Variants in CA10 observed in about 807,000 individuals in gnomAD.
CA10 encodes carbonic anhydrase 10 (inactive).
CA10 carries 14 observed loss-of-function variants against 44.2 expected under a neutral mutation model. The observed-to-expected ratio is 0.32, with a 90% CI of 0.21 to 0.50. The LOEUF is 0.50. Ranked by LOEUF, CA10 falls within the 20% of genes least tolerant of loss-of-function variation. The pLI, the probability that CA10 is intolerant of heterozygous loss-of-function variation, is 0.99. For missense variants in CA10, 350 were observed against 409.7 expected, an observed-to-expected ratio of 0.85 and a Z score of 1.26; for synonymous variants, 159 against 141.6, an observed-to-expected ratio of 1.12 and a Z score of -0.87.
chr17:51,937,911 T>C (rs777726121), intron 2 of CA10, among the ~76,000 whole-genome samples: 38 of 152,110 alleles, frequency 2.5e-4, no homozygotes, highest in Non-Finnish European at 4.7e-4. Flanking sequence ...TGTAACTAGT[T>C]AAAACATTGA....
intron 3 of CA10, among the ~76,000 whole-genome samples, chr17:51,878,829 C>CAT (rs61340613): frequency 1.3e-4 from 5 of 37,094 alleles, no homozygotes; most frequent in Admixed American, 3.3e-4. Context: ...TTTTCATGTT[C>CAT]ATATATATAT....
chr17:52,152,996 T>C (rs1435412327), intron 1 of CA10, among the ~76,000 whole-genome samples: 1 of 152,152 alleles, frequency 6.6e-6, no homozygotes. Context: ...ATCATACACA[T>C]TTATGATACC....
intron 1 of CA10, among the ~76,000 whole-genome samples, chr17:52,108,614 C>T (rs1012975750): frequency 1.4e-5 from 2 of 147,332 alleles, no homozygotes; most frequent in Admixed American, 6.9e-5. Flanking sequence ...GCAGGAGAAT[C>T]GCTTGAACCT....
At chr17:51,692,076 C>A (rs748000894) in intron 4 of CA10, among the ~76,000 whole-genome samples, 3 of 112,526 alleles carry the variant, frequency 2.7e-5, no homozygotes, top group Non-Finnish European at 5.4e-5. Flanking sequence ...AATCAGTAGA[C>A]CATTCTGGGT....
At chr17:51,803,142 T>C (rs755885653) in intron 3 of CA10, among the ~76,000 whole-genome samples, 1 of 152,220 alleles carries the variant, frequency 6.6e-6, no homozygotes, top group Non-Finnish European at 1.5e-5. Context: ...TGGATAGTTT[T>C]CAACTCTCTG....
At chr17:51,646,086 C>A (rs922477022) in intron 6 of CA10, among the ~76,000 whole-genome samples, 3 of 152,176 alleles carry the variant, frequency 2.0e-5, no homozygotes, top group Non-Finnish European at 2.9e-5. Context: ...CCCTACCAAC[C>A]CAAGGAGGGA....
intron 3 of CA10, among the ~76,000 whole-genome samples, chr17:51,823,370 G>C (rs564124876): frequency 6.6e-6 from 1 of 152,216 alleles, no homozygotes; most frequent in South Asian, 2.1e-4. Flanking sequence ...AGCCAAGGGC[G>C]ACGGCTTTGC....
intron 1 of CA10, among the ~76,000 whole-genome samples, chr17:52,150,662 G>A (rs1388389512): frequency 6.6e-6 from 1 of 152,162 alleles, no homozygotes; most frequent in African/African-American, 2.4e-5. Flanking sequence ...TGAACAGAAT[G>A]TAGTAAGATA....
rs1341730605 is a variant in CA10, at chr17:51,717,833, A to ACATG, written c.465+29799_465+29800insCATG. On this transcript the variant is annotated intron_variant, in intron 4 of 8. Transcript: ENST00000451037. ...TACACGTATATATATGTGTGTGTAT[A>ACATG]TATATATATATATATATATATATAT... Among the ~76,000 whole-genome samples the ACATG allele has an allele frequency of 8.5e-5, 5 of 58,520 alleles. 2 individuals are homozygous for ACATG. The highest frequency in any genetic ancestry group is 1.3e-3 in the East Asian group (2 of 1,572). 38.4% of individuals were successfully genotyped at this position (58,520 alleles called of 152,430 possible). A position where few individuals can be genotyped will look rare whatever the true frequency, so the allele number is the denominator to read the frequency against.
At chr17:51,662,825 C>A (rs961359473) in intron 4 of CA10, among the ~76,000 whole-genome samples, 4 of 152,136 alleles carry the variant, frequency 2.6e-5, no homozygotes, top group African/African-American at 9.7e-5. Context: ...GCTATCATAC[C>A]AACCTAGAAA....
rs564113865 is a variant in CA10 at position 52,106,027 on chromosome 17, C to T, written c.62-33634G>A. 2.6e-5 allele frequency among the ~76,000 whole-genome samples: 4 copies of T among 152,296 alleles called. No homozygotes were observed. The South Asian group carries it at 8.3e-4, about 32-fold the overall frequency. On this transcript the variant is annotated intron_variant, in intron 1 of 8. Coordinates refer to ENST00000451037, the MANE Select transcript of CA10 (RefSeq NM_020178.5). The stretch of plus-strand genomic sequence containing the variant: ...TGATAATTCTGGAGTATTCTTAATA[C>T]ATTTCCTGTCCAAGAAAATACCCAG...
intron 2 of CA10, among the ~76,000 whole-genome samples, chr17:51,937,311 A>G (rs1040896243): frequency 2.0e-5 from 3 of 152,088 alleles, no homozygotes; most frequent in Non-Finnish European, 2.9e-5. Flanking sequence ...TCTCTTCTCA[A>G]CTGTAATAAA....
intron 1 of CA10, among the ~76,000 whole-genome samples, chr17:52,086,066 T>C (rs1014560122): frequency 1.3e-5 from 2 of 152,214 alleles, no homozygotes; most frequent in South Asian, 4.1e-4. Context: ...AAAATATTAA[T>C]ATTTAGAACA....
intron 2 of CA10, among the ~76,000 whole-genome samples, chr17:51,987,194 C>A (rs973551140): frequency 1.3e-5 from 2 of 151,806 alleles, no homozygotes; most frequent in African/African-American, 4.8e-5. Flanking sequence ...TACTACTTAG[C>A]CATAAAAAGG....
Position 51,874,405 on chromosome 17 carries a change from AAC to A in CA10, c.279+56583_279+56584del, listed in dbSNP as rs899491090. Among the ~76,000 whole-genome samples the A allele has an allele frequency of 7.2e-5, 11 of 151,740 alleles. No individual in the cohort carries two copies. The East Asian group carries it at 7.8e-4, about 11-fold the overall frequency. ...GTAATTATTAAAAAAAAAAAAAAAAAACAAAAACTGAAAACTCAGCTCTCCTT... is the reference window on the plus strand; with the variant it reads ...GTAATTATTAAAAAAAAAAAAAAAAAAAAAACTGAAAACTCAGCTCTCCTT... On this transcript the variant is annotated intron_variant, in intron 3 of 8. Transcript: ENST00000451037.
intron 3 of CA10, among the ~76,000 whole-genome samples, chr17:51,821,254 A>C (rs1293786889): frequency 2.6e-5 from 4 of 151,220 alleles, no homozygotes. Context: ...ATGGGAGCCC[A>C]CAGTTAAAAA....
At chr17:52,134,791 C>T (rs984595763) in intron 1 of CA10, 2 of 500,304 alleles carry the variant, frequency 4.0e-6, no homozygotes, top group African/African-American at 3.9e-5. Context: ...ATGACAGCTG[C>T]CTCTTCCACT....
chr17:51,728,648 T>C (rs187390726), intron 4 of CA10, among the ~76,000 whole-genome samples: 33 of 152,306 alleles, frequency 2.2e-4, no homozygotes. Flanking sequence ...AGGTACCCAA[T>C]ATCCACAAGA....
At chr17:52,055,021 G>A (rs1432478700) in intron 2 of CA10, among the ~76,000 whole-genome samples, 4 of 152,030 alleles carry the variant, frequency 2.6e-5, no homozygotes, top group African/African-American at 7.2e-5. Flanking sequence ...AGAAATCTCT[G>A]CCTCCCACAA....
Sources: gnomAD v4.1 joint callset for allele counts (sites outside exome capture counted in the v4.1 genomes callset) on GRCh38, gnomAD v4.1.1 for gene constraint, MANE v1.5 for transcripts, NCBI Gene and HGNC (gene_info 2026-07-23, HGNC 2026-07-21) for gene names.